FBXO16: variants seen among roughly 807,000 people sequenced by gnomAD.
The protein encoded by FBXO16 is F-box only protein 16.
FBXO16 carries 31 observed loss-of-function variants against 41.0 expected under a neutral mutation model. The observed-to-expected ratio is 0.76, with a 90% CI of 0.57 to 1.02. FBXO16 has a LOEUF of 1.02. Ranked by LOEUF, FBXO16 falls within the 50% of genes least tolerant of loss-of-function variation. The pLI is 0.00. For missense variants in FBXO16, 361 were observed against 346.2 expected (o/e 1.04, Z -0.34); for synonymous variants, 133 against 117.8 (o/e 1.13, Z -0.84).
intron 3 of FBXO16, among the ~76,000 whole-genome samples, chr8:28,466,797 G>T (rs925027346): frequency 1.3e-5 from 2 of 152,214 alleles, no homozygotes; most frequent in African/African-American, 4.8e-5. Context: ...CCTCACAGAG[G>T]CAATGGTAGC....
At chr8:28,433,081 AAAAC>A (rs374930228) in intron 7 of FBXO16, among the ~76,000 whole-genome samples, 71 of 144,762 alleles carry the variant, frequency 4.9e-4, no homozygotes, top group Admixed American at 1.5e-3. Context: ...AAACAAACAA[AAAAC>A]AAACAAACAA....
At chr8:28,429,442 AAAAG>A (rs1011518334) in intron 7 of FBXO16, 39 bp from the exon 8 acceptor site, 1 of 1,611,872 alleles carries the variant, frequency 6.2e-7, no homozygotes, top group African/African-American at 1.3e-5. Context: ...TGGAGAGAGG[AAAAG>A]AAAGAAATAA....
At chr8:28,447,000 A>C (rs1342929371) in intron 7 of FBXO16, 171 bp downstream of exon 7, 2 of 565,438 alleles carry the variant, frequency 3.5e-6, no homozygotes, top group East Asian at 5.9e-5. Context: ...GATTAAATAA[A>C]GTGTATCTTC....
intron 3 of FBXO16, among the ~76,000 whole-genome samples, chr8:28,468,185 G>A (rs766327396): frequency 2.0e-4 from 31 of 152,282 alleles, no homozygotes; most frequent in Middle Eastern, 3.4e-3. Flanking sequence ...TTGGGGGACC[G>A]TCAGGACCAT....
chr8:28,480,999 C>T (rs537795555), intron 2 of FBXO16, among the ~76,000 whole-genome samples: 4 of 152,114 alleles, frequency 2.6e-5, no homozygotes, highest in East Asian at 1.9e-4. Context: ...AGATAGGAGG[C>T]GAGGGCGAGA....
At chr8:28,485,379 G>T (rs1330414507) in intron 1 of FBXO16, among the ~76,000 whole-genome samples, 1 of 151,958 alleles carries the variant, frequency 6.6e-6, no homozygotes, top group African/African-American at 2.4e-5. Context: ...CACCATGTTG[G>T]CTAGGCTGGT....
Position 28,447,151 on chromosome 8 carries a change from C to A in FBXO16, c.843+20G>T, listed in dbSNP as rs1802876942. 1.3e-6 allele frequency: 2 copies of A among 1,586,180 alleles called. No individual in the cohort carries two copies. The highest frequency in any genetic ancestry group is 8.6e-7 in the Non-Finnish European group (1 of 1,161,698). On this transcript the variant is annotated intron_variant, in intron 7 of 8. Transcript: ENST00000380254. ...TTTCATTAATGTTATGGTGATGAAT[C>A]TTTCATAAACAATACTTACCATTGA... is the stretch of plus-strand genomic sequence containing the variant.
At chr8:28,479,714 TTTTC>T (rs964183340) in intron 2 of FBXO16, among the ~76,000 whole-genome samples, 2 of 151,848 alleles carry the variant, frequency 1.3e-5, no homozygotes, top group Admixed American at 1.3e-4. Flanking sequence ...ATAAAAACTA[TTTTC>T]TTTCTTTCTT....
intron 2 of FBXO16, among the ~76,000 whole-genome samples, chr8:28,481,016 G>C (rs1803501868): frequency 6.6e-6 from 1 of 151,500 alleles, no homozygotes; most frequent in African/African-American, 2.4e-5. Flanking sequence ...GAGAGCACAT[G>C]CAAAGGCATG....
intron 2 of FBXO16, among the ~76,000 whole-genome samples, chr8:28,479,458 C>T (rs767636304): frequency 5.9e-5 from 9 of 152,190 alleles, no homozygotes; most frequent in Admixed American, 3.3e-4. Flanking sequence ...TTCTCCACAG[C>T]TGCTAAATTG....
At chr8:28,458,541 CTTCT>C (rs1341539030) in intron 4 of FBXO16, among the ~76,000 whole-genome samples, 2 of 121,050 alleles carry the variant, frequency 1.7e-5, no homozygotes, top group African/African-American at 6.5e-5. Context: ...TCTTCTTCTT[CTTCT>C]TTTTTTTTTT....
intron 4 of FBXO16, 101 bp from the exon 5 acceptor site, chr8:28,457,031 A>C (rs957395349): frequency 7.4e-7 from 1 of 1,355,862 alleles, no homozygotes; most frequent in East Asian, 2.5e-5. Context: ...GGACCTGAGA[A>C]AACTTTTTTG....
At chr8:28,460,445 T>TTTTTTTTTTTTG (rs371229894) in intron 4 of FBXO16, among the ~76,000 whole-genome samples, 2 of 135,586 alleles carry the variant, frequency 1.5e-5, no homozygotes, top group African/African-American at 6.2e-5. Context: ...TTTTTTTTTT[T>TTTTTTTTTTTTG]GAGACAGCGT....
At position 28,456,891 on chromosome 8, in the gene FBXO16, G is replaced by C; in HGVS notation, c.382C>G (p.Leu128Val). ...AACCGTAAACATTTCAGCATCCAGA[G>C]CTGGTCCAGCTCAGCAAGGTTCTTC... ...HWKNLAELDQ[L>V]WMLKCLRFNW... Residue 128 changes from leucine (L) to valine (V), a missense_variant, in exon 5 of 9, where the codon CTC (leucine) becomes GTC (valine). Physicochemically the swap from Leu to Val is conservative, Grantham distance 32. Coordinates refer to ENST00000380254, the MANE Select transcript of FBXO16 (RefSeq NM_172366.4). 1 of 1,614,082 alleles carries C rather than the reference G, an allele frequency of 6.2e-7. No homozygotes were observed. The highest frequency in any genetic ancestry group is 8.5e-7 in the Non-Finnish European group (1 of 1,179,994).
intron 5 of FBXO16, among the ~76,000 whole-genome samples, chr8:28,454,875 T>C (rs1803014718): frequency 1.3e-5 from 2 of 151,752 alleles, no homozygotes; most frequent in Admixed American, 6.6e-5. Flanking sequence ...GAAGTCTTTT[T>C]GAGAATTTTC....
rs879275561 is a variant in FBXO16 at position 28,470,193 on chromosome 8, T to TA, written c.135+3578dup. On this transcript the variant is annotated intron_variant, in intron 3 of 8. Transcript: ENST00000380254. Reference sequence around the variant, plus strand: ...TGGGCGACAGAGCAAGACTCCGTCTTAAAAAAAAAAAAATAAAGTCATAAT... The same window carrying TA: ...TGGGCGACAGAGCAAGACTCCGTCTTAAAAAAAAAAAAAATAAAGTCATAAT... Among the ~76,000 whole-genome samples, 361 of 144,268 alleles carry TA rather than the reference T, an allele frequency of 2.5e-3. 1 individual carries two copies. Among genetic ancestry groups the TA allele is most frequent in the African/African-American group, 4.5e-3 (179 of 39,564 alleles). The allele number at this position is 144,268 out of a possible 152,430, so 94.6% of individuals were successfully genotyped here.
chr8:28,462,563 C>A (rs1444396293), intron 4 of FBXO16, among the ~76,000 whole-genome samples: 1 of 152,268 alleles, frequency 6.6e-6, no homozygotes, highest in Middle Eastern at 3.4e-3. Context: ...CAGGCGTGAG[C>A]CACCGCGCCC....
At position 28,468,103 on chromosome 8, in the gene FBXO16, C is replaced by T. The variant is rs183032775; in HGVS notation, c.136-4285G>A. 1.6e-4 allele frequency among the ~76,000 whole-genome samples: 25 copies of T among 152,146 alleles called. 1 individual carries two copies. The East Asian group carries it at 4.6e-3, about 28-fold the overall frequency. ...TTAACTGTACAGGAATTCAGTTATCCCCCACGTCTCTTGCGTCACCTCTCA... is the reference window on the plus strand; with the variant it reads ...TTAACTGTACAGGAATTCAGTTATCTCCCACGTCTCTTGCGTCACCTCTCA... On this transcript the variant is annotated intron_variant, in intron 3 of 8. Coordinates refer to ENST00000380254, the MANE Select transcript of FBXO16 (RefSeq NM_172366.4).
chr8:28,488,183 A>C (rs1227346143), intron 1 of FBXO16, among the ~76,000 whole-genome samples: 1 of 152,182 alleles, frequency 6.6e-6, no homozygotes, highest in Non-Finnish European at 1.5e-5. Flanking sequence ...TTAGAATTAA[A>C]ATACAGAAAG....
Sources: gnomAD v4.1 joint callset for allele counts (sites outside exome capture counted in the v4.1 genomes callset) on GRCh38, gnomAD v4.1.1 for gene constraint, MANE v1.5 for transcripts, NCBI Gene and HGNC (gene_info 2026-07-23, HGNC 2026-07-21) for gene names.